The following ANTXR2 variants were observed in gnomAD, a reference collection of about 807,000 sequenced individuals.
ANTXR2 encodes anthrax toxin receptor 2.
A neutral mutation model predicts 73.7 loss-of-function variants in ANTXR2; 44 were observed. The observed-to-expected ratio is 0.60, with a 90% confidence interval of 0.47 to 0.77. The LOEUF is 0.77. ANTXR2 is among the 30% of genes least tolerant of loss of function. ANTXR2 has a pLI of 0.00. For missense variants in ANTXR2, 604 were observed against 592.5 expected (o/e 1.02, Z -0.20); for synonymous variants, 217 against 205.9 (o/e 1.05, Z -0.46).
intron 12 of ANTXR2, among the ~76,000 whole-genome samples, chr4:79,998,184 G>C (rs1730822024): frequency 6.6e-6 from 1 of 151,874 alleles, no homozygotes; most frequent in Non-Finnish European, 1.5e-5. Context: ...CATCGCGTGA[G>C]ATCAACTAAC....
chr4:80,062,599 ATACTTGCC>A (rs1734313873), intron 3 of ANTXR2, among the ~76,000 whole-genome samples: 1 of 152,226 alleles, frequency 6.6e-6, no homozygotes, highest in South Asian at 2.1e-4. Flanking sequence ...ACAGGAGTAA[ATACTTGCC>A]TAATGGAATT....
At position 79,948,007 on chromosome 4, in the gene ANTXR2, T is replaced by C. The variant is rs182321119; in HGVS notation, c.1428+29614A>G. On this transcript the variant is annotated intron_variant, in intron 16 of 16. Coordinates refer to ENST00000403729, the MANE Select transcript of ANTXR2 (RefSeq NM_058172.6). ...CTAGTTGACTGTACTCATTTCTAGC[T>C]TGCAAAACCAAAACTTTTTCTTAAT... 8.5e-5 allele frequency among the ~76,000 whole-genome samples: 13 copies of C among 152,258 alleles called. No homozygotes were observed. The East Asian group carries it at 2.3e-3, about 27-fold the overall frequency.
At chr4:79,962,079 C>A (rs1729166139) in intron 16 of ANTXR2, among the ~76,000 whole-genome samples, 1 of 151,996 alleles carries the variant, frequency 6.6e-6, no homozygotes, top group South Asian at 2.1e-4. Flanking sequence ...TTCAGGAAAC[C>A]AGACTGAGTC....
In ANTXR2 at chr4:80,072,573, G is replaced by T. The variant is rs778082172; in HGVS notation, c.-13C>A. The T allele has an allele frequency of 2.0e-6, 3 of 1,519,408 alleles. No individual in the cohort carries two copies. The highest frequency in any genetic ancestry group is 2.2e-5 in the Admixed American group (1 of 44,876). 94.1% of individuals were successfully genotyped at this position (1,519,408 alleles called of 1,614,324 possible). ...GCTCCGCCACCATCCTGCGGCCGGG[G>T]GCCTGAGACTCCCTCCCGCTCGCAG... On this transcript the variant is annotated 5_prime_UTR_variant, in exon 1 of 17. Coordinates refer to ENST00000403729, the MANE Select transcript of ANTXR2 (RefSeq NM_058172.6).
At chr4:79,912,187 A>G (rs1040122709) in intron 16 of ANTXR2, among the ~76,000 whole-genome samples, 1 of 151,970 alleles carries the variant, frequency 6.6e-6, no homozygotes, top group African/African-American at 2.4e-5. Context: ...CAGAATAAAG[A>G]TAATTTTATC....
At chr4:79,919,069 G>C (rs1417896978) in intron 16 of ANTXR2, among the ~76,000 whole-genome samples, 1 of 151,810 alleles carries the variant, frequency 6.6e-6, no homozygotes, top group African/African-American at 2.4e-5. Flanking sequence ...AGAGGAGATA[G>C]AACATAGAAG....
At chr4:80,009,368 C>T (rs1341235460) in intron 11 of ANTXR2, among the ~76,000 whole-genome samples, 1 of 152,110 alleles carries the variant, frequency 6.6e-6, no homozygotes, top group Non-Finnish European at 1.5e-5. Context: ...ATAAAATGCC[C>T]CTTTGATTAA....
intron 16 of ANTXR2, among the ~76,000 whole-genome samples, chr4:79,966,212 T>C (rs78955879): frequency 2.0e-5 from 3 of 151,694 alleles, no homozygotes; most frequent in Non-Finnish European, 2.9e-5. Flanking sequence ...TGTAGGTAGA[T>C]AGTTATTTAA....
rs1304112539 is a variant in ANTXR2 at position 80,072,637 on chromosome 4, C to A, written c.-77G>T. 2.2e-6 allele frequency: 3 copies of A among 1,369,142 alleles called. No homozygotes were observed. The highest frequency in any genetic ancestry group is 1.7e-5 in the South Asian group (1 of 58,888). The allele number at this position is 1,369,142 out of a possible 1,614,324, so 84.8% of individuals were successfully genotyped here. On this transcript the variant is annotated 5_prime_UTR_variant, in exon 1 of 17. Transcript: ENST00000403729. ...GGAGGGTCGCAAAGGTGGCGGGAGT[C>A]ACCCGGCACGCACTCTGGGGTGGGG... is the stretch of plus-strand genomic sequence containing the variant.
At chr4:80,050,958 C>T (rs1367120949) in intron 7 of ANTXR2, among the ~76,000 whole-genome samples, 2 of 151,688 alleles carry the variant, frequency 1.3e-5, no homozygotes, top group South Asian at 2.1e-4. Context: ...TCTGAATCCA[C>T]GCTACCCGTC....
intron 10 of ANTXR2, among the ~76,000 whole-genome samples, chr4:80,024,392 T>G (rs184435530): frequency 1.8e-4 from 27 of 152,232 alleles, no homozygotes; most frequent in South Asian, 4.2e-4. Context: ...GCCAGGAAAT[T>G]TGGAGCTCAT....
chr4:80,051,479 A>G (rs1733771608), intron 7 of ANTXR2, among the ~76,000 whole-genome samples: 1 of 151,726 alleles, frequency 6.6e-6, no homozygotes, highest in African/African-American at 2.4e-5. Flanking sequence ...AAAAGAAGAA[A>G]TGTTTCCTTC....
chr4:79,976,177 G>T lies in ANTXR2; in HGVS notation c.1428+1444C>A, dbSNP rs559981574. ...TCCGCCCGCCTCGGCTTCCCAAAGT[G>T]CTGGGATTACAGGCGTGAGCCACCG... On this transcript the variant is annotated intron_variant, in intron 16 of 16. Coordinates refer to ENST00000403729, the MANE Select transcript of ANTXR2 (RefSeq NM_058172.6). 3.3e-5 allele frequency among the ~76,000 whole-genome samples: 5 copies of T among 152,178 alleles called. No homozygotes were observed. In the South Asian group the frequency reaches 1.0e-3, roughly 32 times the overall value.
At chr4:79,926,183 A>G (rs931831649) in intron 16 of ANTXR2, among the ~76,000 whole-genome samples, 11 of 152,136 alleles carry the variant, frequency 7.2e-5, no homozygotes, top group Non-Finnish European at 1.6e-4. Context: ...TGTATCCAAT[A>G]TCTTTAAGAA....
At position 79,905,527 on chromosome 4, in the gene ANTXR2, G is replaced by A. The variant is rs1162617402; in HGVS notation, c.*1902C>T. The A allele has an allele frequency of 2.6e-5, 4 of 152,170 alleles. No individual in the cohort carries two copies. The highest frequency in any genetic ancestry group is 5.9e-5 in the Non-Finnish European group (4 of 68,030). The allele number at this position is 152,170 out of a possible 1,614,324, so 9.4% of individuals were successfully genotyped here. On this transcript the variant is annotated 3_prime_UTR_variant, in exon 17 of 17. Transcript: ENST00000403729. ...CATAACAACTGCATATTCAACCCAA[G>A]AAGGCATTAGCTTTATGTGGGCTTA...
chr4:80,072,894 C>G lies in ANTXR2; in HGVS notation c.-334G>C. The G allele has an allele frequency of 3.3e-6, 1 of 307,240 alleles. No homozygotes were observed. The highest frequency in any genetic ancestry group is 5.3e-6 in the Non-Finnish European group (1 of 187,408). 19.0% of individuals were successfully genotyped at this position (307,240 alleles called of 1,614,324 possible). The stretch of plus-strand genomic sequence containing the variant: ...GCGACAGCTCGCGAAAGGAGTTCCT[C>G]TCCGGCCTGGGGCCGAGCCTCCAGC... On this transcript the variant is annotated 5_prime_UTR_variant, in exon 1 of 17. Coordinates refer to ENST00000403729, the MANE Select transcript of ANTXR2 (RefSeq NM_058172.6).
intron 12 of ANTXR2, among the ~76,000 whole-genome samples, chr4:79,990,194 C>T (rs1730396251): frequency 6.7e-6 from 1 of 149,606 alleles, no homozygotes; most frequent in Non-Finnish European, 1.5e-5. Flanking sequence ...TCAAAATTAT[C>T]CTTCTTCACC....
chr4:79,919,672 A>G (rs1010975083), intron 16 of ANTXR2, among the ~76,000 whole-genome samples: 1 of 151,702 alleles, frequency 6.6e-6, no homozygotes, highest in Admixed American at 6.6e-5. Context: ...ACCACAGACT[A>G]AGGCTGCACT....
intron 10 of ANTXR2, among the ~76,000 whole-genome samples, chr4:80,025,133 C>A (rs1578165872): frequency 6.6e-6 from 1 of 152,142 alleles, no homozygotes; most frequent in Admixed American, 6.6e-5. Flanking sequence ...TGTCAACTGA[C>A]AATTAATAGT....
Sources: gnomAD v4.1 joint callset for allele counts (sites outside exome capture counted in the v4.1 genomes callset) on GRCh38, gnomAD v4.1.1 for gene constraint, MANE v1.5 for transcripts, NCBI Gene and HGNC (gene_info 2026-07-23, HGNC 2026-07-21) for gene names.